The following TBC1D32 variants were observed in gnomAD, a reference collection of about 807,000 sequenced individuals.
The protein encoded by TBC1D32 is TBC1 domain family member 32, also known as protein broad-minded.
TBC1D32 carries 151 observed loss-of-function variants against 170.3 expected under a neutral mutation model. That is an observed-to-expected ratio of 0.89 (90% CI 0.78 to 1.01). The LOEUF is 1.01. Among genes scored for constraint, TBC1D32 ranks in the 50% least tolerant of loss-of-function variants. TBC1D32 has a pLI of 0.00. For synonymous variants in TBC1D32, 498 were observed against 488.0 expected (o/e 1.02, Z -0.27); for missense variants, 1,464 against 1,457.1 (o/e 1.00, Z -0.08).
intron 1 of TBC1D32, among the ~76,000 whole-genome samples, chr6:121,330,494 C>T (rs754984540): frequency 3.9e-5 from 6 of 152,148 alleles, no homozygotes; most frequent in Non-Finnish European, 7.3e-5. Context: ...AAGGCTATAA[C>T]GATGACCCTC....
intron 4 of TBC1D32, 56 bp downstream of exon 4, chr6:121,310,723 A>G (rs1043020592): frequency 1.6e-5 from 18 of 1,127,196 alleles, no homozygotes; most frequent in Non-Finnish European, 2.4e-5. Flanking sequence ...TTGTAATCTC[A>G]TATATTGTAA....
chr6:121,191,508 G>A (rs1273770), intron 22 of TBC1D32, among the ~76,000 whole-genome samples: 142,986 of 152,170 alleles, frequency 0.94, 67,737 homozygotes, highest in Non-Finnish European at 1. Flanking sequence ...TCAGCTTGCC[G>A]ATAAAATTGT....
chr6:121,234,258 C>T (rs1796081746), intron 20 of TBC1D32, among the ~76,000 whole-genome samples: 2 of 152,054 alleles, frequency 1.3e-5, no homozygotes, highest in South Asian at 4.1e-4. Context: ...ATGTCTAGAT[C>T]CTTAGCAAGG....
intron 20 of TBC1D32, among the ~76,000 whole-genome samples, chr6:121,228,116 A>G (rs1425440108): frequency 6.6e-6 from 1 of 152,140 alleles, no homozygotes; most frequent in Non-Finnish European, 1.5e-5. Flanking sequence ...TGGAATCATT[A>G]GTCTTACCCC....
chr6:121,210,726 T>C (rs73524585), intron 21 of TBC1D32, among the ~76,000 whole-genome samples: 5,569 of 152,266 alleles, frequency 0.037, 282 homozygotes, highest in African/African-American at 0.11. Context: ...AAGTGGAATT[T>C]TGTCTAACTG....
Position 121,241,613 on chromosome 6 carries a change from A to T in TBC1D32, c.2158-61T>A, listed in dbSNP as rs1218531037. ...ACAAAACATGGCATGCTAACTAGACATTCCTTCAAGATGGTAAGAACTGCA... is the reference window on the plus strand; with the variant it reads ...ACAAAACATGGCATGCTAACTAGACTTTCCTTCAAGATGGTAAGAACTGCA... On this transcript the variant is annotated intron_variant, in intron 18 of 31. Coordinates refer to ENST00000398212, the MANE Select transcript of TBC1D32 (RefSeq NM_152730.6). The T allele has an allele frequency of 3.7e-6, 5 of 1,346,612 alleles. No individual in the cohort carries two copies. In the African/African-American group the frequency reaches 5.8e-5, roughly 16 times the overall value. The allele number at this position is 1,346,612 out of a possible 1,614,324, so 83.4% of individuals were successfully genotyped here.
At chr6:121,257,992 A>G (rs143596993) in intron 15 of TBC1D32, among the ~76,000 whole-genome samples, 2 of 152,306 alleles carry the variant, frequency 1.3e-5, no homozygotes, top group African/African-American at 2.4e-5. Flanking sequence ...CTCACAGTAA[A>G]GTAGTTGCTA....
intron 24 of TBC1D32, among the ~76,000 whole-genome samples, chr6:121,155,428 A>G (rs947239630): frequency 1.3e-5 from 2 of 152,136 alleles, no homozygotes; most frequent in Admixed American, 6.5e-5. Context: ...TATGTATAGA[A>G]TTGTATCATC....
At chr6:121,275,337 T>G (rs1802073328) in intron 15 of TBC1D32, among the ~76,000 whole-genome samples, 1 of 152,218 alleles carries the variant, frequency 6.6e-6, no homozygotes, top group Non-Finnish European at 1.5e-5. Context: ...AAGGAACTGC[T>G]ACTTTTTATA....
chr6:121,247,210 A>G (rs1028984820), intron 17 of TBC1D32, among the ~76,000 whole-genome samples: 2 of 152,140 alleles, frequency 1.3e-5, no homozygotes, highest in Non-Finnish European at 2.9e-5. Context: ...ATAATTTTGT[A>G]TCCAGCAAAA....
At chr6:121,121,822 T>G (rs1186753755) in intron 26 of TBC1D32, among the ~76,000 whole-genome samples, 1 of 151,984 alleles carries the variant, frequency 6.6e-6, no homozygotes, top group African/African-American at 2.4e-5. Context: ...TAAAGAAATT[T>G]ACAGGAATGA....
intron 21 of TBC1D32, among the ~76,000 whole-genome samples, chr6:121,221,161 T>C (rs1007518424): frequency 2.0e-5 from 3 of 152,164 alleles, no homozygotes; most frequent in Non-Finnish European, 4.4e-5. Context: ...CTAAATCTAC[T>C]CTGCCTATGC....
intron 4 of TBC1D32, among the ~76,000 whole-genome samples, chr6:121,309,836 T>A (rs540056807): frequency 1.2e-3 from 184 of 152,152 alleles, no homozygotes; most frequent in African/African-American, 4.3e-3. Context: ...TATTTTGAGA[T>A]CTTCCTAAGT....
At chr6:121,303,787 C>T (rs1428605096) in intron 8 of TBC1D32, 26 bp from the exon 9 acceptor site, 1 of 1,456,638 alleles carries the variant, frequency 6.9e-7, no homozygotes, top group Non-Finnish European at 9.3e-7. Flanking sequence ...AAAAGAAATA[C>T]AATTACACAT....
chr6:121,095,793 G>T (rs1488740237), intron 30 of TBC1D32: 2 of 152,130 alleles, frequency 1.3e-5, no homozygotes, highest in African/African-American at 4.8e-5. Context: ...ACTTGATTGT[G>T]GTGGATAAGC....
intron 2 of TBC1D32, among the ~76,000 whole-genome samples, chr6:121,321,249 G>A (rs1199398235): frequency 1.3e-5 from 2 of 152,114 alleles, no homozygotes; most frequent in Non-Finnish European, 2.9e-5. Flanking sequence ...CAAATATTTA[G>A]GAAAAGGGCA....
At chr6:121,149,846 G>A (rs973662507) in intron 24 of TBC1D32, among the ~76,000 whole-genome samples, 2 of 152,272 alleles carry the variant, frequency 1.3e-5, no homozygotes, top group East Asian at 3.9e-4. Flanking sequence ...ATTGCTTTGG[G>A]CAGTATGGCC....
chr6:121,115,419 CTT>C (rs1458631287), intron 26 of TBC1D32, 178 bp from the exon 27 acceptor site: 17 of 433,120 alleles, frequency 3.9e-5, no homozygotes, highest in Non-Finnish European at 6.8e-5. Context: ...TAACAGAAAA[CTT>C]TTTACAAATA....
chr6:121,113,303 C>T (rs1779375861), intron 27 of TBC1D32, 126 bp from the exon 28 acceptor site: 1 of 550,744 alleles, frequency 1.8e-6, no homozygotes, highest in Admixed American at 3.4e-5. Flanking sequence ...ATACATGTTT[C>T]TGATGATTAT....
Sources: gnomAD v4.1 joint callset for allele counts (sites outside exome capture counted in the v4.1 genomes callset) on GRCh38, gnomAD v4.1.1 for gene constraint, MANE v1.5 for transcripts, NCBI Gene and HGNC (gene_info 2026-07-23, HGNC 2026-07-21) for gene names.